The following CADM2 variants were observed in gnomAD, a reference collection of about 807,000 sequenced individuals.
CADM2 encodes cell adhesion molecule 2.
A neutral mutation model predicts 49.8 loss-of-function variants in CADM2; 12 were observed. The observed-to-expected ratio is 0.24, with a 90% confidence interval of 0.15 to 0.39. The LOEUF is 0.39. Among genes scored for constraint, CADM2 ranks in the 10% least tolerant of loss-of-function variants. The pLI is 1.00. For missense variants in CADM2, 378 were observed against 492.3 expected (o/e 0.77, Z 2.20); for synonymous variants, 214 against 175.4 (o/e 1.22, Z -1.74).
chr3:85,998,600 G>T (rs1044805089), intron 8 of CADM2, among the ~76,000 whole-genome samples: 2 of 152,054 alleles, frequency 1.3e-5, no homozygotes, highest in Non-Finnish European at 1.5e-5. Context: ...TCTATAGATA[G>T]AAATAAGTAA....
At chr3:85,442,726 A>T (rs1013773080) in intron 1 of CADM2, among the ~76,000 whole-genome samples, 3 of 150,300 alleles carry the variant, frequency 2.0e-5, no homozygotes, top group African/African-American at 7.3e-5. Context: ...TAAATATAGT[A>T]TAAAAAAGTG....
At chr3:86,028,657 T>C (rs1734209357) in intron 8 of CADM2, among the ~76,000 whole-genome samples, 1 of 152,142 alleles carries the variant, frequency 6.6e-6, no homozygotes, top group East Asian at 1.9e-4. Flanking sequence ...TCCTGTTACT[T>C]TCAAGTCTGT....
At chr3:85,031,662 A>C (rs28428629) in intron 1 of CADM2, among the ~76,000 whole-genome samples, 2,817 of 151,094 alleles carry the variant, frequency 0.019, 40 homozygotes, top group African/African-American at 0.036. Flanking sequence ...CTACAGGCAC[A>C]CGCCACCACG....
rs111350563 is a variant in CADM2 at position 85,177,013 on chromosome 3, C to T, written c.61+217345C>T. On this transcript the variant is annotated intron_variant, in intron 1 of 9. Coordinates refer to ENST00000383699, the MANE Select transcript of CADM2 (RefSeq NM_001167675.2). ...TTTGGCTGAAGATGAATATATACAT[C>T]GTCAGGATGTTATGAGCTCACTCCC... 2.1e-3 allele frequency among the ~76,000 whole-genome samples: 316 copies of T among 152,216 alleles called. 1 individual carries two copies. The highest frequency in any genetic ancestry group is 7.0e-3 in the African/African-American group (290 of 41,554).
chr3:85,125,964 CT>C (rs2039020971), intron 1 of CADM2, among the ~76,000 whole-genome samples: 1 of 151,994 alleles, frequency 6.6e-6, no homozygotes, highest in South Asian at 2.1e-4. Context: ...TTCATTGTAT[CT>C]TTTAAACATC....
intron 1 of CADM2, among the ~76,000 whole-genome samples, chr3:85,080,870 A>C (rs2037136271): frequency 6.6e-6 from 1 of 152,084 alleles, no homozygotes; most frequent in African/African-American, 2.4e-5. Flanking sequence ...TAAAAATTAC[A>C]CTACACATTC....
At chr3:85,264,198 T>C (rs539523917) in intron 1 of CADM2, among the ~76,000 whole-genome samples, 139 of 152,252 alleles carry the variant, frequency 9.1e-4, no homozygotes, top group Non-Finnish European at 1.6e-3. Context: ...GACTTTCCTA[T>C]TAATTCTGCT....
chr3:85,322,909 C>G (rs982227248), intron 1 of CADM2, among the ~76,000 whole-genome samples: 2 of 152,184 alleles, frequency 1.3e-5, no homozygotes, highest in African/African-American at 4.8e-5. Context: ...ACTTGCATAT[C>G]CAGATACTTT....
intron 3 of CADM2, among the ~76,000 whole-genome samples, chr3:85,870,235 T>C (rs1430601153): frequency 6.6e-6 from 1 of 151,660 alleles, no homozygotes; most frequent in East Asian, 1.9e-4. Flanking sequence ...CTTTTTGTTG[T>C]TGTTGATGAT....
Position 85,569,253 on chromosome 3 carries a change from G to T in CADM2, c.62-157269G>T, listed in dbSNP as rs148964039. Among the ~76,000 whole-genome samples the T allele has an allele frequency of 1.8e-3, 274 of 152,018 alleles. 1 individual carries two copies. Among genetic ancestry groups the T allele is most frequent in the Non-Finnish European group, 2.9e-3 (199 of 67,982 alleles). ...TCCTTCAGTGTTATTCCCATGAGAC[G>T]CATGTAAATTGTTGCACCTATCAGC... On this transcript the variant is annotated intron_variant, in intron 1 of 9. Transcript: ENST00000383699.
chr3:85,802,090 T>C lies in CADM2; in HGVS notation c.132T>C (p.Val44=). 1 of 1,613,112 alleles carries C rather than the reference T, an allele frequency of 6.2e-7. No homozygotes were observed. Among genetic ancestry groups the C allele is most frequent in the Non-Finnish European group, 8.5e-7 (1 of 1,179,384 alleles). The change falls in exon 3 of 10, where the codon GTT becomes GTC. Residue 44 remains valine (V), a synonymous_variant. Coordinates refer to ENST00000383699, the MANE Select transcript of CADM2 (RefSeq NM_001167675.2). The part of the protein sequence containing the change: ...QFPLTQNVTV[V]EGGTAILTCR... Reference sequence around the variant, plus strand: ...CACTAACACAGAATGTAACCGTTGTTGAAGGTGGAACTGCAATTTTGACCT... The same window carrying C: ...CACTAACACAGAATGTAACCGTTGTCGAAGGTGGAACTGCAATTTTGACCT...
At chr3:85,213,948 C>G (rs979675106) in intron 1 of CADM2, among the ~76,000 whole-genome samples, 1 of 152,084 alleles carries the variant, frequency 6.6e-6, no homozygotes, top group Non-Finnish European at 1.5e-5. Flanking sequence ...TTAAATTTAT[C>G]TGATAAGAAT....
chr3:85,169,701 G>A (rs922159767), intron 1 of CADM2, among the ~76,000 whole-genome samples: 1 of 152,144 alleles, frequency 6.6e-6, no homozygotes, highest in African/African-American at 2.4e-5. Flanking sequence ...GTACCCTGGA[G>A]ACGAAGGTTG....
chr3:85,502,171 G>GT (rs1431991741), intron 1 of CADM2, among the ~76,000 whole-genome samples: 1 of 152,120 alleles, frequency 6.6e-6, no homozygotes, highest in African/African-American at 2.4e-5. Flanking sequence ...TTACTGAGAT[G>GT]TAAGATGTCA....
At chr3:85,032,632 T>C (rs2035035897) in intron 1 of CADM2, among the ~76,000 whole-genome samples, 1 of 152,206 alleles carries the variant, frequency 6.6e-6, no homozygotes, top group African/African-American at 2.4e-5. Context: ...TCTCTCCCTT[T>C]AATCATCGGA....
rs187595666 is a variant in CADM2, at chr3:85,177,392, T to A, written c.61+217724T>A. On this transcript the variant is annotated intron_variant, in intron 1 of 9. Coordinates refer to ENST00000383699, the MANE Select transcript of CADM2 (RefSeq NM_001167675.2). ...ATATTTTTATGATCGTTTATACCTT[T>A]AATTTTATTTAGCGTTTGAAAGTTG... is the stretch of plus-strand genomic sequence containing the variant. 7.0e-4 allele frequency among the ~76,000 whole-genome samples: 107 copies of A among 152,248 alleles called. 2 individuals carry two copies. The highest frequency in any genetic ancestry group is 8.8e-5 in the Non-Finnish European group (6 of 67,972).
intron 1 of CADM2, among the ~76,000 whole-genome samples, chr3:85,452,748 G>A (rs2037809039): frequency 6.6e-6 from 1 of 152,068 alleles, no homozygotes; most frequent in Non-Finnish European, 1.5e-5. Context: ...GTTGTCTTGC[G>A]GTAGCAGATG....
At chr3:84,996,644 G>T (rs1418531629) in intron 1 of CADM2, among the ~76,000 whole-genome samples, 3 of 151,930 alleles carry the variant, frequency 2.0e-5, no homozygotes, top group African/African-American at 7.2e-5. Context: ...GTCTTTATAA[G>T]CTTTGTATTT....
intron 6 of CADM2, among the ~76,000 whole-genome samples, chr3:85,917,109 C>T (rs1383482214): frequency 1.3e-5 from 2 of 151,950 alleles, no homozygotes; most frequent in African/African-American, 4.8e-5. Flanking sequence ...TTCTTCCATT[C>T]TGTAGGTTGC....
Sources: allele counts gnomAD v4.1 joint callset (sites outside exome capture counted in the v4.1 genomes callset), GRCh38; gene constraint gnomAD v4.1.1; transcripts MANE v1.5; gene names NCBI Gene and HGNC (gene_info 2026-07-23, HGNC 2026-07-21).